Variants in PAX7 observed in about 807,000 individuals in gnomAD.
The protein encoded by PAX7 is paired box protein Pax-7.
A neutral mutation model predicts 50.7 loss-of-function variants in PAX7; 18 were observed. The observed-to-expected ratio is 0.36, with a 90% CI of 0.25 to 0.53. The LOEUF (loss-of-function observed/expected upper bound fraction) is 0.53, where lower values mean the gene tolerates loss of function less well. PAX7 is among the 20% of genes least tolerant of loss of function. The pLI is 0.93. For synonymous variants in PAX7, 310 were observed against 290.4 expected, an observed-to-expected ratio of 1.07 and a Z score of -0.69; for missense variants, 644 against 702.9, an observed-to-expected ratio of 0.92 and a Z score of 0.95.
intron 4 of PAX7, among the ~76,000 whole-genome samples, chr1:18,659,959 C>T (rs957019653): frequency 6.6e-6 from 1 of 152,202 alleles, no homozygotes; most frequent in South Asian, 2.1e-4. Flanking sequence ...CCCAGCGGGC[C>T]ATGTGCTCGA....
chr1:18,649,276 C>T (rs775977198), intron 4 of PAX7, among the ~76,000 whole-genome samples: 17 of 152,118 alleles, frequency 1.1e-4, no homozygotes, highest in Non-Finnish European at 2.4e-4. Context: ...GGGATAAGGA[C>T]AGCCATGGGA....
In PAX7 at chr1:18,746,740, T is replaced by A. The variant is rs1931459455; in HGVS notation, c.*1811T>A. 1.3e-5 allele frequency: 3 copies of A among 231,708 alleles called. No individual in the cohort carries two copies. Among genetic ancestry groups the A allele is most frequent in the Non-Finnish European group, 1.7e-5 (2 of 117,136 alleles). 14.4% of individuals were successfully genotyped at this position (231,708 alleles called of 1,614,324 possible). ...CCTGAGTTCCTCCCTCCTGGGAAGC[T>A]GGGTTGGCAAGATTCTAGGACACTC... On this transcript the variant is annotated 3_prime_UTR_variant, in exon 9 of 9. Coordinates refer to ENST00000420770, the MANE Select transcript of PAX7 (RefSeq NM_001135254.2).
chr1:18,682,021 G>T (rs1381369430), intron 4 of PAX7, among the ~76,000 whole-genome samples: 1 of 152,076 alleles, frequency 6.6e-6, no homozygotes, highest in African/African-American at 2.4e-5. Context: ...TACAGGTGTG[G>T]GCCACTATGT....
chr1:18,647,428 C>T (rs982851535), intron 4 of PAX7, among the ~76,000 whole-genome samples: 1 of 149,574 alleles, frequency 6.7e-6, no homozygotes, highest in Non-Finnish European at 1.5e-5. Context: ...GCTGTGGTGG[C>T]CTGCGAATCT....
Position 18,634,988 on chromosome 1 carries a change from G to A in PAX7, c.322-123G>A. The A allele has an allele frequency of 2.5e-6, 3 of 1,211,740 alleles. No homozygotes were observed. The highest frequency in any genetic ancestry group is 2.3e-6 in the Non-Finnish European group (2 of 877,456). The allele number at this position is 1,211,740 out of a possible 1,614,324, so 75.1% of individuals were successfully genotyped here. ...GGATAAAGCCAATCTCTTGGGGGAT[G>A]GGGGGACACAAGGTAACCAGAACCA... On this transcript the variant is annotated intron_variant, in intron 2 of 8. Coordinates refer to ENST00000420770, the MANE Select transcript of PAX7 (RefSeq NM_001135254.2). This position sits in a 1 kb window ranked among gnomAD's most constrained non-coding sequence, Gnocchi z 4.0.
chr1:18,714,217 A>ATAAG (rs1450973099), intron 7 of PAX7, among the ~76,000 whole-genome samples: 1 of 151,542 alleles, frequency 6.6e-6, no homozygotes, highest in African/African-American at 2.4e-5. Context: ...AAATAAATAA[A>ATAAG]TAAATAAATA....
In PAX7 at chr1:18,634,976, C is replaced by T. The variant is rs1466444434; in HGVS notation, c.322-135C>T. 9 of 1,133,786 alleles carry T rather than the reference C, an allele frequency of 7.9e-6. No individual in the cohort carries two copies. In the African/African-American group the frequency reaches 1.4e-4, roughly 18 times the overall value. The allele number at this position is 1,133,786 out of a possible 1,614,324, so 70.2% of individuals were successfully genotyped here. A position where few individuals can be genotyped will look rare whatever the true frequency, so the allele number is the denominator to read the frequency against. ...GGTTTCTTGAAAGGATAAAGCCAAT[C>T]TCTTGGGGGATGGGGGGACACAAGG... On this transcript the variant is annotated intron_variant, in intron 2 of 8. Coordinates refer to ENST00000420770, the MANE Select transcript of PAX7 (RefSeq NM_001135254.2). This position sits in a 1 kb window ranked among gnomAD's most constrained non-coding sequence, Gnocchi z 4.0.
chr1:18,708,167 C>T (rs2089307584), intron 7 of PAX7, among the ~76,000 whole-genome samples: 1 of 152,106 alleles, frequency 6.6e-6, no homozygotes, highest in Non-Finnish European at 1.5e-5. Flanking sequence ...TAACGTTCAT[C>T]TGGGGTTAGG....
chr1:18,692,572 G>A (rs993960838), intron 5 of PAX7, among the ~76,000 whole-genome samples: 6 of 152,044 alleles, frequency 3.9e-5, no homozygotes, highest in Admixed American at 3.9e-4. Flanking sequence ...AAGGGAGGGA[G>A]GGAGGGCATT....
chr1:18,634,614 C>A lies in PAX7; in HGVS notation c.321+76C>A. 4 of 1,176,552 alleles carry A rather than the reference C, an allele frequency of 3.4e-6. No homozygotes were observed. The highest frequency in any genetic ancestry group is 1.8e-5 in the Admixed American group (1 of 54,298). 72.9% of individuals were successfully genotyped at this position (1,176,552 alleles called of 1,614,324 possible). A position where few individuals can be genotyped will look rare whatever the true frequency, so the allele number is the denominator to read the frequency against. On this transcript the variant is annotated intron_variant, in intron 2 of 8. Transcript: ENST00000420770. This position sits in a 1 kb window ranked among gnomAD's most constrained non-coding sequence, Gnocchi z 4.0. ...CTCCTGGTTGTGGCCCCTCTTACTACCTCGTGGCACCAGGCTGTAGGAAAG... is the reference window on the plus strand; with the variant it reads ...CTCCTGGTTGTGGCCCCTCTTACTAACTCGTGGCACCAGGCTGTAGGAAAG...
intron 7 of PAX7, among the ~76,000 whole-genome samples, chr1:18,708,510 G>A (rs1025136336): frequency 2.0e-5 from 3 of 152,102 alleles, no homozygotes; most frequent in African/African-American, 4.8e-5. Context: ...AGCTGTGATT[G>A]TGCCACTGTG....
chr1:18,742,163 T>C lies in PAX7; in HGVS notation c.1403-2651T>C, dbSNP rs1423051434. ...AATGAGGCTTCTTTTTTTTTTTTTT[T>C]TTTTTTTTTTTTGAGACGGAGTCTT... On this transcript the variant is annotated intron_variant, in intron 8 of 8. Transcript: ENST00000420770. Among the ~76,000 whole-genome samples the C allele has an allele frequency of 2.3e-4, 33 of 142,352 alleles. 2 individuals carry two copies. Among genetic ancestry groups the C allele is most frequent in the African/African-American group, 7.7e-4 (29 of 37,756 alleles). The allele number at this position is 142,352 out of a possible 152,430, so 93.4% of individuals were successfully genotyped here.
At chr1:18,714,720 G>T (rs2089396717) in intron 7 of PAX7, among the ~76,000 whole-genome samples, 1 of 152,212 alleles carries the variant, frequency 6.6e-6, no homozygotes, top group South Asian at 2.1e-4. Context: ...TACATCCAGG[G>T]GAGTCACAGC....
intron 5 of PAX7, among the ~76,000 whole-genome samples, chr1:18,697,741 GTCC>G (rs2089167616): frequency 1.3e-5 from 2 of 152,180 alleles, no homozygotes; most frequent in African/African-American, 4.8e-5. Context: ...CCTCCAGGAA[GTCC>G]TCCTGGATTC....
At chr1:18,701,427 AGTGT>A (rs1436757440) in intron 6 of PAX7, among the ~76,000 whole-genome samples, 1 of 149,398 alleles carries the variant, frequency 6.7e-6, no homozygotes, top group Non-Finnish European at 1.5e-5. Context: ...TGAGTGAATG[AGTGT>A]GTGAGTGTGT....
At chr1:18,652,963 G>T (rs1246438229) in intron 4 of PAX7, among the ~76,000 whole-genome samples, 1 of 152,212 alleles carries the variant, frequency 6.6e-6, no homozygotes, top group Non-Finnish European at 1.5e-5. Flanking sequence ...TTACTCAGTT[G>T]CCTGGAGTCA....
At chr1:18,704,290 T>A (rs1370642866) in intron 7 of PAX7, among the ~76,000 whole-genome samples, 1 of 152,210 alleles carries the variant, frequency 6.6e-6, no homozygotes, top group South Asian at 2.1e-4. Flanking sequence ...GTATGGTGGC[T>A]TTTTTGCCAC....
In PAX7 at chr1:18,735,778, C is replaced by G. The variant is rs146763357; in HGVS notation, c.1302C>G (p.Asp434Glu). ...GGGCCGACTCCATCAAGCCAGGAGA[C>G]AGCCTGCCCACCTCCCAGGCCTACT... Reference protein sequence around the residue: ...SQRADSIKPGDSLPTSQAYCP... With the variant: ...SQRADSIKPGESLPTSQAYCP... Residue 434 changes from aspartate to glutamate, a missense_variant, in exon 8 of 9, where the codon GAC becomes GAG. Coordinates refer to ENST00000420770, the MANE Select transcript of PAX7 (RefSeq NM_001135254.2). This position sits in a 1 kb window ranked among gnomAD's most constrained non-coding sequence, Gnocchi z 4.0. The G allele has an allele frequency of 6.2e-7, 1 of 1,614,170 alleles. No homozygotes were observed. The highest frequency in any genetic ancestry group is 8.5e-7 in the Non-Finnish European group (1 of 1,180,028).
rs1275887327 is a variant in PAX7, at chr1:18,631,091, T to C, written c.-513T>C. On this transcript the variant is annotated 5_prime_UTR_variant, in exon 1 of 9. Transcript: ENST00000420770. ...GAGGGAGCGAGAGCGAGAGAATAAATATATAAATAAATACGAGAACGAAAT... is the reference window on the plus strand; with the variant it reads ...GAGGGAGCGAGAGCGAGAGAATAAACATATAAATAAATACGAGAACGAAAT... The C allele has an allele frequency of 8.7e-6, 2 of 228,976 alleles. No homozygotes were observed. The highest frequency in any genetic ancestry group is 1.1e-4 in the Admixed American group (2 of 17,676). The allele number at this position is 228,976 out of a possible 1,614,324, so 14.2% of individuals were successfully genotyped here. A position where few individuals can be genotyped will look rare whatever the true frequency, so the allele number is the denominator to read the frequency against.
Sources: gnomAD v4.1 joint callset for allele counts (sites outside exome capture counted in the v4.1 genomes callset) on GRCh38, gnomAD v4.1.1 for gene constraint, Gnocchi (gnomAD v3.1) non-coding constraint, MANE v1.5 for transcripts, NCBI Gene and HGNC (gene_info 2026-07-23, HGNC 2026-07-21) for gene names.